KCNH5: variants seen among roughly 807,000 people sequenced by gnomAD.
The protein encoded by KCNH5 is voltage-gated delayed rectifier potassium channel KCNH5.
In KCNH5, 46 loss-of-function variants were observed where a neutral mutation model predicts 96.1. The ratio of observed to expected loss-of-function variants is 0.48; its 90% CI spans 0.38 to 0.61. The LOEUF is 0.61. Ranked by LOEUF, KCNH5 falls within the 20% of genes least tolerant of loss-of-function variation. The probability of loss-of-function intolerance (pLI) is 0.00; values close to 1 mark genes in which losing one functional copy is unlikely to be tolerated. For missense variants in KCNH5, 907 were observed against 1,225.8 expected (o/e 0.74, Z 3.88); for synonymous variants, 439 against 449.8 (o/e 0.98, Z 0.30).
intron 7 of KCNH5, among the ~76,000 whole-genome samples, chr14:62,919,410 G>A (rs1361587408): frequency 6.6e-6 from 1 of 152,110 alleles, no homozygotes; most frequent in Non-Finnish European, 1.5e-5. Flanking sequence ...AGTTAGAAAT[G>A]CATTTCTGGG....
intron 7 of KCNH5, among the ~76,000 whole-genome samples, chr14:62,942,446 C>T (rs1889807102): frequency 6.6e-6 from 1 of 152,146 alleles, no homozygotes; most frequent in African/African-American, 2.4e-5. Flanking sequence ...CAGGGCAATG[C>T]CCATAACCTC....
chr14:63,006,060 A>G (rs1891118878), intron 3 of KCNH5, among the ~76,000 whole-genome samples: 1 of 152,204 alleles, frequency 6.6e-6, no homozygotes. Flanking sequence ...GTATCTGTCA[A>G]TTTTAATCGT....
intron 7 of KCNH5, among the ~76,000 whole-genome samples, chr14:62,914,882 G>A (rs909445249): frequency 5.9e-5 from 9 of 152,256 alleles, no homozygotes; most frequent in Admixed American, 2.6e-4. Flanking sequence ...TGGGCAGTGA[G>A]GACAGGCTGG....
At position 62,703,789 on chromosome 14, in the gene KCNH5, A is replaced by C. The variant is rs1884383044; in HGVS notation, c.*3719T>G. The C allele has an allele frequency of 6.6e-6, 1 of 151,912 alleles. No individual in the cohort carries two copies. The highest frequency in any genetic ancestry group is 2.4e-5 in the African/African-American group (1 of 41,430). 9.4% of individuals were successfully genotyped at this position (151,912 alleles called of 1,614,324 possible). On this transcript the variant is annotated 3_prime_UTR_variant, in exon 11 of 11. Transcript: ENST00000322893. Reference sequence around the variant, plus strand: ...ATGTATGATATGCACATTCTAGATAAATGTTCTCATTACCTACATGGAATT... The same window carrying C: ...ATGTATGATATGCACATTCTAGATACATGTTCTCATTACCTACATGGAATT...
chr14:62,818,208 A>G (rs57635871), intron 8 of KCNH5, among the ~76,000 whole-genome samples: 14,197 of 150,764 alleles, frequency 0.094, 884 homozygotes, highest in East Asian at 0.29. Flanking sequence ...CACCTTGTTG[A>G]CTGTAATTAA....
At chr14:62,745,337 C>G (rs1333249435) in intron 10 of KCNH5, among the ~76,000 whole-genome samples, 1 of 152,252 alleles carries the variant, frequency 6.6e-6, no homozygotes, top group Non-Finnish European at 1.5e-5. Context: ...GCACACTGTC[C>G]TCTAACAATG....
chr14:62,764,968 C>T (rs12891322), intron 10 of KCNH5, among the ~76,000 whole-genome samples: 20,834 of 152,020 alleles, frequency 0.14, 1,659 homozygotes, highest in Non-Finnish European at 0.18. Context: ...ATAGATTCAA[C>T]GCTATTTCCA....
chr14:63,035,417 T>C (rs1261829218), intron 1 of KCNH5, among the ~76,000 whole-genome samples: 2 of 152,238 alleles, frequency 1.3e-5, no homozygotes, highest in African/African-American at 4.8e-5. Context: ...TTCTCCTGTA[T>C]GTTTTTAAAT....
At chr14:62,879,038 T>C (rs1888440256) in intron 7 of KCNH5, among the ~76,000 whole-genome samples, 1 of 152,118 alleles carries the variant, frequency 6.6e-6, no homozygotes, top group Admixed American at 6.6e-5. Context: ...GGAACTTCAA[T>C]TTTACAATAC....
intron 10 of KCNH5, among the ~76,000 whole-genome samples, chr14:62,720,514 C>T (rs758775873): frequency 1.1e-4 from 17 of 152,066 alleles, no homozygotes; most frequent in Non-Finnish European, 2.2e-4. Flanking sequence ...ACCCGGGAGG[C>T]GGAGCCTGCA....
chr14:62,797,433 C>T (rs755812588), intron 9 of KCNH5, among the ~76,000 whole-genome samples: 3 of 152,140 alleles, frequency 2.0e-5, no homozygotes, highest in Non-Finnish European at 4.4e-5. Flanking sequence ...ACATGTTTCA[C>T]AGTTCCGCAT....
intron 8 of KCNH5, among the ~76,000 whole-genome samples, chr14:62,826,581 T>A (rs192001832): frequency 6.6e-6 from 1 of 152,062 alleles, no homozygotes; most frequent in African/African-American, 2.4e-5. Context: ...TGTATCTTTA[T>A]AATATAGTTT....
chr14:62,752,613 A>T (rs1885525884), intron 10 of KCNH5, among the ~76,000 whole-genome samples: 1 of 152,202 alleles, frequency 6.6e-6, no homozygotes, highest in Middle Eastern at 3.4e-3. Flanking sequence ...AGAAAACAAG[A>T]CTAATATGGT....
intron 10 of KCNH5, among the ~76,000 whole-genome samples, chr14:62,753,366 G>A (rs117068034): frequency 0.012 from 1,830 of 152,020 alleles, 19 homozygotes; most frequent in Non-Finnish European, 0.017. Context: ...GCCTCAAAAC[G>A]GCAAATCTAA....
chr14:62,743,016 C>T (rs1885303218), intron 10 of KCNH5, among the ~76,000 whole-genome samples: 1 of 152,124 alleles, frequency 6.6e-6, no homozygotes, highest in Admixed American at 6.6e-5. Flanking sequence ...CAGTTTTGGT[C>T]CCTCTCTATT....
chr14:62,977,470 G>A (rs1342712017), intron 6 of KCNH5, among the ~76,000 whole-genome samples: 1 of 152,142 alleles, frequency 6.6e-6, no homozygotes, highest in Non-Finnish European at 1.5e-5. Context: ...TTTAAATAGT[G>A]AGCGAAAGTA....
intron 10 of KCNH5, among the ~76,000 whole-genome samples, chr14:62,762,289 A>T (rs2139957118): frequency 6.6e-6 from 1 of 152,248 alleles, no homozygotes; most frequent in African/African-American, 2.4e-5. Context: ...GTCTGATCTG[A>T]GTGAACCCTG....
chr14:62,920,697 G>A (rs776110227), intron 7 of KCNH5, among the ~76,000 whole-genome samples: 1 of 152,128 alleles, frequency 6.6e-6, no homozygotes, highest in East Asian at 1.9e-4. Context: ...TCTTGAAAAT[G>A]AGAGTCATAA....
At chr14:63,008,182 G>C (rs1459322877) in intron 2 of KCNH5, among the ~76,000 whole-genome samples, 3 of 152,010 alleles carry the variant, frequency 2.0e-5, no homozygotes, top group African/African-American at 7.2e-5. Context: ...ATATTTACTA[G>C]AGGCAGATCC....
Sources: gnomAD v4.1 joint callset for allele counts (sites outside exome capture counted in the v4.1 genomes callset) on GRCh38, gnomAD v4.1.1 for gene constraint, MANE v1.5 for transcripts, NCBI Gene and HGNC (gene_info 2026-07-23, HGNC 2026-07-21) for gene names.